Variants in SOX5 observed in about 807,000 individuals in gnomAD.
SOX5 encodes the protein SRY-box transcription factor 5.
A neutral mutation model predicts 92.0 loss-of-function variants in SOX5; 9 were observed. The observed-to-expected ratio is 0.10, with a 90% CI of 0.06 to 0.17. The LOEUF is 0.17. SOX5 is among the 10% of genes least tolerant of loss of function. The pLI, the probability that SOX5 is intolerant of heterozygous loss-of-function variation, is 1.00. For missense variants in SOX5, 642 were observed against 944.5 expected, an observed-to-expected ratio of 0.68 and a Z score of 4.20; for synonymous variants, 344 against 336.3, an observed-to-expected ratio of 1.02 and a Z score of -0.25.
At chr12:23,927,232 G>C (rs1940201880) in intron 1 of SOX5, among the ~76,000 whole-genome samples, 1 of 151,962 alleles carries the variant, frequency 6.6e-6, no homozygotes, top group African/African-American at 2.4e-5. Context: ...AACCATTCTG[G>C]GGGAGGCTCT....
chr12:23,797,265 T>C (rs1473860161), intron 3 of SOX5, among the ~76,000 whole-genome samples: 1 of 152,048 alleles, frequency 6.6e-6, no homozygotes, highest in East Asian at 1.9e-4. Context: ...GCAGGGTTTC[T>C]CTTTAATAAT....
At chr12:24,165,153 T>C (rs767470802) in intron 4 of SOX5, among the ~76,000 whole-genome samples, 2 of 152,108 alleles carry the variant, frequency 1.3e-5, no homozygotes, top group Non-Finnish European at 2.9e-5. Flanking sequence ...TTTGCCTTAT[T>C]TCTGTGAGGT....
At chr12:24,141,537 G>T (rs1337522430) in intron 4 of SOX5, among the ~76,000 whole-genome samples, 1 of 152,142 alleles carries the variant, frequency 6.6e-6, no homozygotes, top group Non-Finnish European at 1.5e-5. Flanking sequence ...GCCTAGCAGG[G>T]TCTCTTGTTT....
At chr12:23,999,580 TTTTA>T (rs1165467398) in intron 4 of SOX5, among the ~76,000 whole-genome samples, 169 of 152,228 alleles carry the variant, frequency 1.1e-3, no homozygotes, top group African/African-American at 3.6e-3. Context: ...TATATTCAAT[TTTTA>T]TTTGTCAGTT....
intron 1 of SOX5, among the ~76,000 whole-genome samples, chr12:23,905,195 C>A (rs2097279066): frequency 6.6e-6 from 1 of 152,062 alleles, no homozygotes; most frequent in Non-Finnish European, 1.5e-5. Context: ...TTTGTTAATT[C>A]CACTTCCACT....
At chr12:24,327,098 TAAC>T (rs1449756415) in intron 2 of SOX5, among the ~76,000 whole-genome samples, 4 of 152,188 alleles carry the variant, frequency 2.6e-5, no homozygotes, top group Admixed American at 6.5e-5. Context: ...TTTTGATGAA[TAAC>T]AATAGGACAT....
intron 4 of SOX5, among the ~76,000 whole-genome samples, chr12:23,985,558 T>C (rs1479572178): frequency 6.6e-6 from 1 of 152,186 alleles, no homozygotes; most frequent in African/African-American, 2.4e-5. Flanking sequence ...CAAAAGGTTC[T>C]GCATAAGAAA....
intron 1 of SOX5, among the ~76,000 whole-genome samples, chr12:24,506,126 T>C (rs1948720259): frequency 6.6e-6 from 1 of 152,286 alleles, no homozygotes; most frequent in East Asian, 1.9e-4. Flanking sequence ...TAGCATCTTT[T>C]TGTAATCTTT....
upstream of SOX5, among the ~76,000 whole-genome samples, chr12:23,955,081 T>C (rs1359853106): frequency 1.3e-5 from 2 of 152,088 alleles, no homozygotes; most frequent in Non-Finnish European, 2.9e-5. Flanking sequence ...AACTAGTAAG[T>C]GCAGGGCTGG....
Position 23,726,118 on chromosome 12 carries a change from CGAGAGAGAGAGAGAGAGAGAGAGAGA to C in SOX5, c.810+8540_810+8565del, listed in dbSNP as rs60575337. ...TAATGGTGTTAAATACATACATCCC[CGAGAGAGAGAGAGAGAGAGAGAGAGA>C]GAGAGAGAGAGAGAGAGAGAGAGAG... is the stretch of plus-strand genomic sequence containing the variant. On this transcript the variant is annotated intron_variant, in intron 6 of 14. Coordinates refer to ENST00000451604, the MANE Select transcript of SOX5 (RefSeq NM_006940.6). Among the ~76,000 whole-genome samples, 156 of 123,742 alleles carry C rather than the reference CGAGAGAGAGAGAGAGAGAGAGAGAGA, an allele frequency of 1.3e-3. 2 individuals carry two copies. The highest frequency in any genetic ancestry group is 5.2e-3 in the East Asian group (23 of 4,438). The allele number at this position is 123,742 out of a possible 152,430, so 81.2% of individuals were successfully genotyped here. A position where few individuals can be genotyped will look rare whatever the true frequency, so the allele number is the denominator to read the frequency against.
intron 10 of SOX5, among the ~76,000 whole-genome samples, chr12:23,570,162 A>G (rs1357336618): frequency 6.6e-6 from 1 of 152,204 alleles, no homozygotes; most frequent in Non-Finnish European, 1.5e-5. Context: ...AAGTAAAAGT[A>G]ATGGCATATT....
Position 24,543,558 on chromosome 12 carries a change from C to G in SOX5, c.-251+18771G>C, listed in dbSNP as rs549081220. ...CAAAAGCTAGCCAGGCATGGTGGTA[C>G]GCGTGTGTGGTCTCAGCTACTCAGG... On this transcript the variant is annotated intron_variant, in intron 1 of 4. Transcript: ENST00000446891. Among the ~76,000 whole-genome samples the G allele has an allele frequency of 3.9e-5, 6 of 152,160 alleles. No individual in the cohort carries two copies. In the East Asian group the frequency reaches 9.7e-4, roughly 25 times the overall value.
intron 4 of SOX5, among the ~76,000 whole-genome samples, chr12:24,066,048 T>TA (rs577131134): frequency 5.4e-5 from 8 of 147,876 alleles, no homozygotes; most frequent in Admixed American, 1.4e-4. Context: ...ACTTACAGTC[T>TA]AAAAAAAAAA....
In SOX5 at chr12:23,532,594, G is replaced by T. The variant is rs918303612; in HGVS notation, c.*1625C>A. 3 of 152,244 alleles carry T rather than the reference G, an allele frequency of 2.0e-5. No homozygotes were observed. Among genetic ancestry groups the T allele is most frequent in the African/African-American group, 7.2e-5 (3 of 41,428 alleles). 9.4% of individuals were successfully genotyped at this position (152,244 alleles called of 1,614,324 possible). A position where few individuals can be genotyped will look rare whatever the true frequency, so the allele number is the denominator to read the frequency against. On this transcript the variant is annotated 3_prime_UTR_variant, in exon 15 of 15. Transcript: ENST00000451604. ...AAATACTCTGCTTGAACCAAAGTTGGACTTCAGTGGATTAATCTGACAGCA... is the reference window on the plus strand; with the variant it reads ...AAATACTCTGCTTGAACCAAAGTTGTACTTCAGTGGATTAATCTGACAGCA...
At chr12:23,806,664 A>G (rs2075708618) in intron 3 of SOX5, among the ~76,000 whole-genome samples, 1 of 152,014 alleles carries the variant, frequency 6.6e-6, no homozygotes, top group South Asian at 2.1e-4. Flanking sequence ...GGAAAAAAAA[A>G]AAAAGACAGG....
chr12:24,289,589 G>T lies in SOX5; in HGVS notation c.-173-12277C>A, dbSNP rs370151644. On this transcript the variant is annotated intron_variant, in intron 2 of 4. Transcript: ENST00000446891. ...CTGCCTCAGCCTCCCAAGTAGCTGG[G>T]ACTACAGGCGCCCGCCACTACGCCC... Among the ~76,000 whole-genome samples, 102 of 141,702 alleles carry T rather than the reference G, an allele frequency of 7.2e-4. 10 individuals carry two copies. The highest frequency in any genetic ancestry group is 2.5e-3 in the African/African-American group (88 of 34,566). 93.0% of individuals were successfully genotyped at this position (141,702 alleles called of 152,430 possible). A position where few individuals can be genotyped will look rare whatever the true frequency, so the allele number is the denominator to read the frequency against.
intron 4 of SOX5, among the ~76,000 whole-genome samples, chr12:24,053,166 A>G (rs928995497): frequency 4.0e-5 from 6 of 148,978 alleles, no homozygotes; most frequent in African/African-American, 1.5e-4. Context: ...TTTGAAGCCA[A>G]TGCTACTGCA....
intron 4 of SOX5, among the ~76,000 whole-genome samples, chr12:24,006,305 G>A (rs748730850): frequency 6.6e-6 from 1 of 152,112 alleles, no homozygotes; most frequent in African/African-American, 2.4e-5. Flanking sequence ...TTAATCCTAA[G>A]ATGTTACAAT....
intron 4 of SOX5, among the ~76,000 whole-genome samples, chr12:24,023,618 G>A (rs1357903705): frequency 6.6e-6 from 1 of 151,990 alleles, no homozygotes; most frequent in Non-Finnish European, 1.5e-5. Flanking sequence ...TTTTGACATT[G>A]GCACAGGTAG....
Sources: gnomAD v4.1 joint callset for allele counts (sites outside exome capture counted in the v4.1 genomes callset) on GRCh38, gnomAD v4.1.1 for gene constraint, MANE v1.5 for transcripts, NCBI Gene and HGNC (gene_info 2026-07-23, HGNC 2026-07-21) for gene names.